VRK2: variants seen among roughly 807,000 people sequenced by gnomAD.
VRK2 encodes the protein serine/threonine-protein kinase VRK2.
A neutral mutation model predicts 57.6 loss-of-function variants in VRK2; 60 were observed. The ratio of observed to expected loss-of-function variants is 1.04; its 90% CI spans 0.85 to 1.29. The LOEUF (loss-of-function observed/expected upper bound fraction) is 1.29, where lower values mean the gene tolerates loss of function less well. Among genes scored for constraint, VRK2 ranks in the 50% most tolerant of loss-of-function variants. The pLI is 0.00. For missense variants in VRK2, 705 were observed against 588.1 expected, an observed-to-expected ratio of 1.20 and a Z score of -2.06; for synonymous variants, 231 against 199.2, an observed-to-expected ratio of 1.16 and a Z score of -1.35.
chr2:58,074,413 G>A (rs373404052), intron 2 of VRK2, among the ~76,000 whole-genome samples: 1 of 151,862 alleles, frequency 6.6e-6, no homozygotes, highest in Non-Finnish European at 1.5e-5. Flanking sequence ...TGAGCATTTT[G>A]TATGACTCCG....
chr2:58,036,341 T>C lies in VRK2; in HGVS notation c.-6+2788T>C, dbSNP rs536890060. Among the ~76,000 whole-genome samples, 14 of 152,134 alleles carry C rather than the reference T, an allele frequency of 9.2e-5. 1 individual carries two copies. The highest frequency in any genetic ancestry group is 9.2e-4 in the Admixed American group (14 of 15,256). On this transcript the variant is annotated intron_variant, in intron 3 of 15. Transcript: ENST00000417641. The stretch of plus-strand genomic sequence containing the variant: ...AACTATAAAGTATCTATATTCTATG[T>C]AGTACTAAATTAATTTCCCTTAGGA...
intron 1 of VRK2, among the ~76,000 whole-genome samples, chr2:58,002,735 G>A (rs1673128309): frequency 6.6e-6 from 1 of 152,182 alleles, no homozygotes; most frequent in African/African-American, 2.4e-5. Flanking sequence ...AGGAAATGTT[G>A]ATGCTATCTT....
At chr2:57,948,157 G>A (rs916289154) in intron 1 of VRK2, among the ~76,000 whole-genome samples, 1 of 152,140 alleles carries the variant, frequency 6.6e-6, no homozygotes, top group African/African-American at 2.4e-5. Flanking sequence ...AACTGACCAA[G>A]CTGATTTTGT....
rs57809846 is a variant in VRK2 at position 57,996,895 on chromosome 2, A to ATT, written c.-438-28763_-438-28762dup. 8.2e-4 allele frequency among the ~76,000 whole-genome samples: 125 copies of ATT among 151,702 alleles called. 1 individual carries two copies. The South Asian group carries it at 0.01, about 13-fold the overall frequency. On this transcript the variant is annotated intron_variant, in intron 1 of 15. Transcript: ENST00000417641. ...ATAGTTGTTGCACCATATTGTTTTC[A>ATT]TTTTTTTTCCTGTTGTACTTTTTTT...
At chr2:57,930,227 A>G (rs894538443) in intron 1 of VRK2, among the ~76,000 whole-genome samples, 6 of 152,114 alleles carry the variant, frequency 3.9e-5, no homozygotes, top group African/African-American at 1.2e-4. Flanking sequence ...GGCTTATCGG[A>G]ACTCAGGTTC....
chr2:58,113,306 C>G (rs1675866941), intron 7 of VRK2, among the ~76,000 whole-genome samples: 2 of 146,442 alleles, frequency 1.4e-5, no homozygotes, highest in Non-Finnish European at 3.0e-5. Flanking sequence ...GAGCGAAACT[C>G]CGTCTCAAAA....
chr2:58,133,539 A>T (rs1466883954), intron 9 of VRK2, among the ~76,000 whole-genome samples: 1 of 152,200 alleles, frequency 6.6e-6, no homozygotes, highest in African/African-American at 2.4e-5. Context: ...AAGACACTGT[A>T]TCTCCCTTAT....
chr2:57,966,693 CTT>C (rs770014220), intron 1 of VRK2, among the ~76,000 whole-genome samples: 23 of 146,914 alleles, frequency 1.6e-4, no homozygotes, highest in African/African-American at 4.8e-4. Context: ...ATTCTGGAAA[CTT>C]AAAGTAAAAA....
At chr2:58,055,495 G>T (rs1032422662) in intron 2 of VRK2, among the ~76,000 whole-genome samples, 10 of 152,214 alleles carry the variant, frequency 6.6e-5, no homozygotes, top group Non-Finnish European at 1.0e-4. Flanking sequence ...TTACTACTTC[G>T]TGTAGGGAAG....
chr2:57,930,721 A>G (rs748165995), intron 1 of VRK2, among the ~76,000 whole-genome samples: 12 of 152,128 alleles, frequency 7.9e-5, no homozygotes, highest in Non-Finnish European at 1.6e-4. Context: ...GCTTATACCC[A>G]TGGACCAGCA....
chr2:58,027,692 T>C (rs919943216), intron 2 of VRK2, among the ~76,000 whole-genome samples: 4 of 152,234 alleles, frequency 2.6e-5, no homozygotes, highest in African/African-American at 4.8e-5. Flanking sequence ...CCTATAAAGA[T>C]AGAAATAATG....
intron 7 of VRK2, among the ~76,000 whole-genome samples, chr2:58,109,821 C>A (rs536097266): frequency 6.6e-6 from 1 of 152,312 alleles, no homozygotes; most frequent in Non-Finnish European, 1.5e-5. Context: ...TCTTATAACT[C>A]ACCAGAGAGA....
intron 7 of VRK2, among the ~76,000 whole-genome samples, chr2:58,092,099 A>C (rs1573047835): frequency 6.6e-6 from 1 of 152,160 alleles, no homozygotes; most frequent in African/African-American, 2.4e-5. Flanking sequence ...TGACAGATGT[A>C]TGTATCATGT....
At chr2:57,948,634 T>A (rs1314521749) in intron 1 of VRK2, among the ~76,000 whole-genome samples, 13 of 152,102 alleles carry the variant, frequency 8.5e-5, no homozygotes, top group Admixed American at 8.5e-4. Flanking sequence ...GACACATTGA[T>A]CAGAATAAGA....
intron 1 of VRK2, among the ~76,000 whole-genome samples, chr2:57,921,312 TCA>T (rs1303428446): frequency 4.4e-5 from 6 of 136,838 alleles, no homozygotes; most frequent in Admixed American, 1.4e-4. Flanking sequence ...ACACACACAC[TCA>T]CACACACACA....
chr2:58,108,601 G>T (rs1305713273), intron 7 of VRK2, among the ~76,000 whole-genome samples: 1 of 151,904 alleles, frequency 6.6e-6, no homozygotes, highest in Non-Finnish European at 1.5e-5. Flanking sequence ...TTGCCCTCTT[G>T]TATGTTTCTT....
chr2:58,120,381 G>A (rs996868316), intron 7 of VRK2, among the ~76,000 whole-genome samples: 1 of 150,812 alleles, frequency 6.6e-6, no homozygotes, highest in Admixed American at 6.6e-5. Context: ...AGTAGAGATG[G>A]GGTTTCACCA....
chr2:57,982,358 A>G (rs1672446494), intron 1 of VRK2, among the ~76,000 whole-genome samples: 1 of 152,210 alleles, frequency 6.6e-6, no homozygotes, highest in South Asian at 2.1e-4. Flanking sequence ...CCATGCACAC[A>G]CATGTGCACC....
chr2:58,137,530 A>G lies in VRK2; in HGVS notation c.857-2136A>G, dbSNP rs17049368. ...ATAAAATGCAGATTTCTGTTTCTAA[A>G]GCAAAAAGTGTTGAAACTTTAATAT... On this transcript the variant is annotated intron_variant, in intron 10 of 12. Transcript: ENST00000340157. Among the ~76,000 whole-genome samples, 749 of 152,162 alleles carry G rather than the reference A, an allele frequency of 4.9e-3. 10 individuals carry two copies. The highest frequency in any genetic ancestry group is 0.017 in the African/African-American group (720 of 41,534).
Sources: gnomAD v4.1 joint callset for allele counts (sites outside exome capture counted in the v4.1 genomes callset) on GRCh38, gnomAD v4.1.1 for gene constraint, MANE v1.5 for transcripts, NCBI Gene and HGNC (gene_info 2026-07-23, HGNC 2026-07-21) for gene names.